The following TNFRSF10B variants were observed in gnomAD, a reference collection of about 807,000 sequenced individuals.
TNFRSF10B encodes the protein tumor necrosis factor receptor superfamily member 10B.
In TNFRSF10B, 35 loss-of-function variants were observed where a neutral mutation model predicts 41.4. That is an observed-to-expected ratio of 0.85 (90% CI 0.65 to 1.12). TNFRSF10B has a LOEUF of 1.12. TNFRSF10B is among the 50% of genes most tolerant of loss of function. TNFRSF10B has a pLI of 0.00. For synonymous variants in TNFRSF10B, 230 were observed against 215.5 expected, an observed-to-expected ratio of 1.07 and a Z score of -0.59; for missense variants, 584 against 552.7, an observed-to-expected ratio of 1.06 and a Z score of -0.57.
Position 23,033,585 on chromosome 8 carries a change from CAAAAAAAAAAAAAAAAAAAAAAA to C in TNFRSF10B, c.251-2736_251-2714del, listed in dbSNP as rs59282000. On this transcript the variant is annotated intron_variant, in intron 2 of 8. Coordinates refer to ENST00000276431, the MANE Select transcript of TNFRSF10B (RefSeq NM_003842.5). ...CCTGGGCGACAGCGAGACTCCGTCT[CAAAAAAAAAAAAAAAAAAAAAAA>C]AAAAAAAAAAAAAGAACCCTGGAAA... 6.2e-3 allele frequency among the ~76,000 whole-genome samples: 385 copies of C among 62,290 alleles called. 12 individuals are homozygous for C. In the Admixed American group the frequency reaches 0.064, roughly 10 times the overall value. 40.9% of individuals were successfully genotyped at this position (62,290 alleles called of 152,430 possible). A position where few individuals can be genotyped will look rare whatever the true frequency, so the allele number is the denominator to read the frequency against.
At chr8:23,064,629 G>A (rs1035553726) in intron 1 of TNFRSF10B, among the ~76,000 whole-genome samples, 5 of 152,208 alleles carry the variant, frequency 3.3e-5, no homozygotes, top group East Asian at 1.9e-4. Flanking sequence ...AGCCATTGGC[G>A]GGGTTTCCCT....
chr8:23,024,157 C>T (rs756747673), intron 8 of TNFRSF10B, 31 bp downstream of exon 8: 18 of 1,613,774 alleles, frequency 1.1e-5, no homozygotes, highest in East Asian at 2.2e-5. Flanking sequence ...TCCCTCCATT[C>T]CTGCTGCATC....
At chr8:23,062,312 C>T (rs190626052) in intron 1 of TNFRSF10B, among the ~76,000 whole-genome samples, 87 of 152,218 alleles carry the variant, frequency 5.7e-4, no homozygotes, top group African/African-American at 1.8e-3. Context: ...CCTACATCTC[C>T]GGGGCTCAAG....
chr8:23,022,804 G>A lies in TNFRSF10B; in HGVS notation c.1190C>T (p.Ala397Val), dbSNP rs759860991. The A allele has an allele frequency of 1.2e-6, 2 of 1,613,810 alleles. No homozygotes were observed. Among genetic ancestry groups the A allele is most frequent in the Non-Finnish European group, 1.7e-6 (2 of 1,179,902 alleles). ...GGCATCCAGCAGGGTGTGGACAGAG[G>A]CATCTCGCCCGGTTTTGTTGACCCA... ...IKWVNKTGRDASVHTLLDALE... is the reference protein window; with the variant it reads ...IKWVNKTGRDVSVHTLLDALE... The change falls in exon 9 of 9, where the codon GCC (alanine) becomes GTC (valine). Residue 397 changes from alanine to valine, a missense_variant. Ala to Val is a moderately conservative substitution (Grantham distance 64, BLOSUM62 0). Transcript: ENST00000276431.
chr8:23,066,068 A>C (rs1466456825), intron 1 of TNFRSF10B, among the ~76,000 whole-genome samples: 1 of 152,210 alleles, frequency 6.6e-6, no homozygotes, highest in Non-Finnish European at 1.5e-5. Context: ...GGATTCCTTG[A>C]GCGCAGGAGT....
At chr8:23,048,824 T>C (rs1311291450) in intron 1 of TNFRSF10B, among the ~76,000 whole-genome samples, 1 of 152,144 alleles carries the variant, frequency 6.6e-6, no homozygotes, top group Non-Finnish European at 1.5e-5. Context: ...TCTTGAACGT[T>C]CGCCTGGGCT....
chr8:23,067,445 T>TA (rs34205181), intron 1 of TNFRSF10B, among the ~76,000 whole-genome samples: 38,335 of 147,634 alleles, frequency 0.26, 5,106 homozygotes, highest in Non-Finnish European at 0.28. Context: ...TTTATAGAGA[T>TA]AAAAAAAAAA....
chr8:23,063,841 C>G (rs1463692570), intron 1 of TNFRSF10B, among the ~76,000 whole-genome samples: 1 of 152,192 alleles, frequency 6.6e-6, no homozygotes, highest in East Asian at 1.9e-4. Flanking sequence ...CTTGGTGACT[C>G]TGGACTTGGG....
chr8:23,022,725 C>T lies in TNFRSF10B; in HGVS notation c.1269G>A (p.Leu423=). The part of the protein sequence containing the change: ...LAKQKIEDHL[L]SSGKFMYLEG... ...CTAGATACATGAACTTTCCAGAGCT[C>T]AACAAGTGGTCCTCAATCTTCTGCT... The change falls in exon 9 of 9, where the codon TTG becomes TTA. Residue 423 remains leucine, a synonymous_variant. Coordinates refer to ENST00000276431, the MANE Select transcript of TNFRSF10B (RefSeq NM_003842.5). 6.2e-7 allele frequency: 1 copy of T among 1,613,972 alleles called. No individual in the cohort carries two copies. Among genetic ancestry groups the T allele is most frequent in the Non-Finnish European group, 8.5e-7 (1 of 1,179,966 alleles).
At position 23,028,566 on chromosome 8, in the gene TNFRSF10B, T is replaced by C; in HGVS notation, c.513A>G (p.Thr171=). 2 of 1,613,904 alleles carry C rather than the reference T, an allele frequency of 1.2e-6. No individual in the cohort carries two copies. Among genetic ancestry groups the C allele is most frequent in the Admixed American group, 3.3e-5 (2 of 60,004 alleles). ...PRGMVKVGDC[T]PWSDIECVHK... ...GGACACATTCGATGTCACTCCAGGG[T>C]GTACAATCACCGACCTTGACCATCC... Residue 171 remains threonine, a synonymous_variant, in exon 5 of 9, where the codon ACA becomes ACG. Transcript: ENST00000276431.
rs1043261570 is a variant in TNFRSF10B at position 23,022,286 on chromosome 8, A to G, written c.*385T>C. 4.6e-5 allele frequency: 21 copies of G among 455,734 alleles called. No individual in the cohort carries two copies. The highest frequency in any genetic ancestry group is 7.5e-5 in the Non-Finnish European group (17 of 228,096). The allele number at this position is 455,734 out of a possible 1,614,324, so 28.2% of individuals were successfully genotyped here. A position where few individuals can be genotyped will look rare whatever the true frequency, so the allele number is the denominator to read the frequency against. ...CCCCCACCCAAAAAAGGTTCATATC[A>G]TATAGTATCAAGTGAAGTCGGACAA... On this transcript the variant is annotated 3_prime_UTR_variant, in exon 9 of 9. Transcript: ENST00000276431.
rs777181764 is a variant in TNFRSF10B, at chr8:23,028,575, A to G, written c.504T>C (p.Gly168=). ...CGATGTCACTCCAGGGTGTACAATC[A>G]CCGACCTTGACCATCCCTCTGGGAC... ...TGCPRGMVKV[G]DCTPWSDIEC... The change falls in exon 5 of 9, where the codon GGT becomes GGC. Residue 168 remains glycine, a synonymous_variant. Coordinates refer to ENST00000276431, the MANE Select transcript of TNFRSF10B (RefSeq NM_003842.5). 3.2e-5 allele frequency: 51 copies of G among 1,614,074 alleles called. No individual in the cohort carries two copies. The South Asian group carries it at 5.1e-4, about 16-fold the overall frequency.
intron 1 of TNFRSF10B, among the ~76,000 whole-genome samples, chr8:23,053,108 G>A (rs1172118396): frequency 6.6e-6 from 1 of 152,116 alleles, no homozygotes; most frequent in East Asian, 1.9e-4. Flanking sequence ...AGGTGATTAG[G>A]CCTCCTAAAT....
intron 1 of TNFRSF10B, among the ~76,000 whole-genome samples, chr8:23,044,626 T>C (rs904864698): frequency 6.6e-6 from 1 of 152,182 alleles, no homozygotes; most frequent in Middle Eastern, 3.4e-3. Flanking sequence ...ATGTATGGGA[T>C]GCAGCAAAAG....
chr8:23,031,912 A>ATAT (rs148152302), intron 2 of TNFRSF10B, among the ~76,000 whole-genome samples: 1,921 of 27,848 alleles, frequency 0.069, 68 homozygotes, highest in African/African-American at 0.15. Flanking sequence ...TTGCAGTAGC[A>ATAT]TTTTTTTTTT....
In TNFRSF10B at chr8:23,028,628, G is replaced by A. The variant is rs753811654; in HGVS notation, c.477-26C>T. On this transcript the variant is annotated intron_variant, in intron 4 of 8. Transcript: ENST00000276431. The stretch of plus-strand genomic sequence containing the variant: ...CTGGGTACACACACAGAGGGAGAGG[G>A]GGGACTCTTGATGGAAAGCTGGCCA... 9 of 1,613,586 alleles carry A rather than the reference G, an allele frequency of 5.6e-6. No individual in the cohort carries two copies. In the East Asian group the frequency reaches 6.7e-5, roughly 12 times the overall value.
At chr8:23,051,970 A>C (rs1812531426) in intron 1 of TNFRSF10B, among the ~76,000 whole-genome samples, 1 of 152,254 alleles carries the variant, frequency 6.6e-6, no homozygotes, top group Admixed American at 6.5e-5. Flanking sequence ...GTTAATAAAC[A>C]AGAATACCTT....
At chr8:23,063,683 A>G (rs1812900366) in intron 1 of TNFRSF10B, among the ~76,000 whole-genome samples, 1 of 151,978 alleles carries the variant, frequency 6.6e-6, no homozygotes, top group Non-Finnish European at 1.5e-5. Flanking sequence ...ATGCAACCTG[A>G]CCCTCACCCT....
chr8:23,030,323 T>G (rs1811841906), intron 3 of TNFRSF10B, among the ~76,000 whole-genome samples: 1 of 152,234 alleles, frequency 6.6e-6, no homozygotes, highest in African/African-American at 2.4e-5. Context: ...TTATTTTAAT[T>G]AATTATTGAG....
Sources: allele counts gnomAD v4.1 joint callset (sites outside exome capture counted in the v4.1 genomes callset), GRCh38; gene constraint gnomAD v4.1.1; transcripts MANE v1.5; gene names NCBI Gene and HGNC (gene_info 2026-07-23, HGNC 2026-07-21).